LTBP2: variants seen among roughly 807,000 people sequenced by gnomAD.
LTBP2 encodes latent transforming growth factor beta binding protein 2.
LTBP2 carries 103 observed loss-of-function variants against 210.6 expected under a neutral mutation model. The observed-to-expected ratio is 0.49, with a 90% CI of 0.42 to 0.58. The LOEUF is 0.58. LTBP2 is among the 20% of genes least tolerant of loss of function. The pLI is 0.00. For synonymous variants in LTBP2, 1,007 were observed against 1,015.0 expected, an observed-to-expected ratio of 0.99 and a Z score of 0.15; for missense variants, 2,313 against 2,494.5, an observed-to-expected ratio of 0.93 and a Z score of 1.55.
chr14:74,568,125 C>T (rs1013305428), intron 3 of LTBP2, among the ~76,000 whole-genome samples: 1 of 152,148 alleles, frequency 6.6e-6, no homozygotes, highest in Non-Finnish European at 1.5e-5. Context: ...CAGAAGTTGC[C>T]CTACTTCCTT....
intron 21 of LTBP2, 75 bp downstream of exon 21, chr14:74,509,659 G>C: frequency 1.2e-6 from 2 of 1,604,982 alleles, no homozygotes; most frequent in South Asian, 2.2e-5. Context: ...CCAAACTGGG[G>C]ACAAATTGAG....
chr14:74,612,107 ACGAGGGCTGCGCGCCCCGAGCCT>A lies in LTBP2; in HGVS notation c.-186_-164del. On this transcript the variant is annotated 5_prime_UTR_variant, in exon 1 of 36. Coordinates refer to ENST00000261978, the MANE Select transcript of LTBP2 (RefSeq NM_000428.3). ...GACTGGGGGCCCGGCTCTCGGCGGA[ACGAGGGCTGCGCGCCCCGAGCCT>A]CGAGTCCGCGCTCCTACTCCAGCTG... The A allele has an allele frequency of 5.7e-6, 4 of 699,504 alleles. No homozygotes were observed. 43.3% of individuals were successfully genotyped at this position (699,504 alleles called of 1,614,324 possible).
At position 74,551,100 on chromosome 14, in the gene LTBP2, C is replaced by A. The variant is rs752108988; in HGVS notation, c.1650G>T (p.Leu550=). The change falls in exon 7 of 36, where the codon CTG becomes CTT. Residue 550 remains leucine, a synonymous_variant. Coordinates refer to ENST00000261978, the MANE Select transcript of LTBP2 (RefSeq NM_000428.3). ...LPPAAPRPRG[L]LGRCYLNTVN... ...CAGTGTTCAGGTAACACCGGCCCAGCAGTCCTCGAGGCCTGGGTGCTGCTG... is the reference window on the plus strand; with the variant it reads ...CAGTGTTCAGGTAACACCGGCCCAGAAGTCCTCGAGGCCTGGGTGCTGCTG... The A allele has an allele frequency of 9.9e-6, 16 of 1,613,820 alleles. 2 individuals are homozygous for A. In the South Asian group the frequency reaches 1.8e-4, roughly 18 times the overall value.
At position 74,502,689 on chromosome 14, in the gene LTBP2, A is replaced by G; in HGVS notation, c.5134T>C (p.Ser1712Pro). The G allele has an allele frequency of 6.2e-7, 1 of 1,614,118 alleles. No individual in the cohort carries two copies. The highest frequency in any genetic ancestry group is 8.5e-7 in the Non-Finnish European group (1 of 1,180,030). ...GCCACGTAGTGGGGCTGGAGTTCTGAGGGCTGCAAAGGAGACTCAAGGATG... is the reference window on the plus strand; with the variant it reads ...GCCACGTAGTGGGGCTGGAGTTCTGGGGGCTGCAAAGGAGACTCAAGGATG... The part of the protein sequence containing the change: ...TPILESPLQP[S>P]ELQPHYVASH... Residue 1712 changes from serine (S) to proline (P), a missense_variant, in exon 34 of 36, where the codon TCA becomes CCA. Ser to Pro is a moderately conservative substitution (Grantham distance 74, BLOSUM62 -1). Coordinates refer to ENST00000261978, the MANE Select transcript of LTBP2 (RefSeq NM_000428.3).
Position 74,528,602 on chromosome 14 carries a change from G to T in LTBP2, c.2249C>A (p.Ala750Glu). 1 of 1,613,592 alleles carries T rather than the reference G, an allele frequency of 6.2e-7. No individual in the cohort carries two copies. The highest frequency in any genetic ancestry group is 8.5e-7 in the Non-Finnish European group (1 of 1,180,052). ...SMRKAEEEEL[A>E]RPPREQGQRS... ...CTGCCCTTGCTCCCTTGGGGGCCTTGCCAGTTCCTCCTCCTCGGCTTTCCT... is the reference window on the plus strand; with the variant it reads ...CTGCCCTTGCTCCCTTGGGGGCCTTTCCAGTTCCTCCTCCTCGGCTTTCCT... The change falls in exon 12 of 36, where the codon GCA (alanine) becomes GAA (glutamate). Residue 750 changes from alanine (A) to glutamate (E), a missense_variant. Physicochemically the swap from Ala to Glu is moderately radical, Grantham distance 107. Coordinates refer to ENST00000261978, the MANE Select transcript of LTBP2 (RefSeq NM_000428.3).
At chr14:74,598,169 G>T (rs1378346153) in intron 2 of LTBP2, among the ~76,000 whole-genome samples, 1 of 152,216 alleles carries the variant, frequency 6.6e-6, no homozygotes, top group African/African-American at 2.4e-5. Context: ...GGGGCTCTTA[G>T]CCACCTTGCC....
rs2087653403 is a variant in LTBP2, at chr14:74,551,315, G to C, written c.1435C>G (p.His479Asp). Residue 479 changes from histidine to aspartate, a missense_variant, in exon 7 of 36, where the codon CAC becomes GAC. This residue lies in a region of LTBP2 where 1,867 missense variants were observed against 1,976.9 expected (regional missense o/e 0.94). Transcript: ENST00000261978. ...TGCACTGAGGCCTCGGGTGGGTGGT[G>C]AATGTGCACCTTCACCAGGGAGGGG... ...VNPSLVKVHI[H>D]HPPEASVQIH... 6.3e-7 allele frequency: 1 copy of C among 1,591,702 alleles called. No homozygotes were observed. The highest frequency in any genetic ancestry group is 8.6e-7 in the Non-Finnish European group (1 of 1,166,596).
chr14:74,604,704 T>C (rs2088500306), intron 1 of LTBP2, among the ~76,000 whole-genome samples: 1 of 152,046 alleles, frequency 6.6e-6, no homozygotes, highest in Non-Finnish European at 1.5e-5. Context: ...TTGGCCAGGG[T>C]GGTCTCAAAC....
Position 74,501,531 on chromosome 14 carries a change from C to T in LTBP2, c.5230G>A (p.Glu1744Lys), listed in dbSNP as rs779067555. Residue 1744 changes from glutamate to lysine, a missense_variant, in exon 35 of 36, where the codon GAG (glutamate) becomes AAG (lysine). Physicochemically the swap from Glu to Lys is moderately conservative, Grantham distance 56. Transcript: ENST00000261978. ...CGCACGCGCACACAGCGGCCATTCT[C>T]ACAGCCGTTCAGGATGCCGCACTCC... Reference protein sequence around the residue: ...AEECGILNGCENGRCVRVREG... With the variant: ...AEECGILNGCKNGRCVRVREG... 2 of 1,614,202 alleles carry T rather than the reference C, an allele frequency of 1.2e-6. No individual in the cohort carries two copies. The highest frequency in any genetic ancestry group is 1.7e-6 in the Non-Finnish European group (2 of 1,180,042).
At chr14:74,603,733 A>T (rs113639367) in intron 1 of LTBP2, 28 bp from the exon 2 acceptor site, 2 of 1,599,918 alleles carry the variant, frequency 1.3e-6, no homozygotes, top group Non-Finnish European at 1.7e-6. Context: ...CAGAGTCAAC[A>T]CAAGGATGCT....
chr14:74,521,702 G>T (rs2087204345), intron 17 of LTBP2, among the ~76,000 whole-genome samples: 2 of 152,224 alleles, frequency 1.3e-5, no homozygotes, highest in South Asian at 4.1e-4. Context: ...AGAGATTGCT[G>T]GTTTTTGGAT....
chr14:74,593,160 C>T (rs1464537644), intron 2 of LTBP2, among the ~76,000 whole-genome samples: 1 of 152,250 alleles, frequency 6.6e-6, no homozygotes, highest in Non-Finnish European at 1.5e-5. Context: ...CCAGAACAGT[C>T]AACAGAGGTT....
chr14:74,558,431 G>A (rs1299039044), intron 3 of LTBP2, among the ~76,000 whole-genome samples: 1 of 152,170 alleles, frequency 6.6e-6, no homozygotes, highest in Non-Finnish European at 1.5e-5. Context: ...AACTCCCTCC[G>A]AGGACTTCCA....
chr14:74,554,235 C>T (rs1191768458), intron 4 of LTBP2, among the ~76,000 whole-genome samples: 4 of 152,180 alleles, frequency 2.6e-5, no homozygotes, highest in Non-Finnish European at 5.9e-5. Context: ...CACAGGAACT[C>T]ACGCCTGCAG....
chr14:74,568,732 T>G (rs2087935566), intron 3 of LTBP2, among the ~76,000 whole-genome samples: 1 of 152,190 alleles, frequency 6.6e-6, no homozygotes, highest in South Asian at 2.1e-4. Flanking sequence ...TAAGGTCACA[T>G]AGTCAATGAC....
At chr14:74,575,256 T>C (rs1348995485) in intron 3 of LTBP2, among the ~76,000 whole-genome samples, 5 of 152,232 alleles carry the variant, frequency 3.3e-5, no homozygotes, top group Non-Finnish European at 7.3e-5. Context: ...CAGGTATTTG[T>C]GTGGGTTGGA....
chr14:74,548,964 T>C (rs1297245564), intron 8 of LTBP2, among the ~76,000 whole-genome samples: 2 of 152,238 alleles, frequency 1.3e-5, no homozygotes, highest in African/African-American at 4.8e-5. Context: ...TCTACACTTA[T>C]TTTTAGTTTG....
intron 8 of LTBP2, among the ~76,000 whole-genome samples, chr14:74,543,310 A>G (rs933005015): frequency 5.5e-5 from 8 of 146,670 alleles, no homozygotes; most frequent in Non-Finnish European, 1.0e-4. Context: ...CCCAGGAGGC[A>G]GAGCTTGCAG....
rs910774431 is a variant in LTBP2, at chr14:74,568,262, G to A, written c.831-12569C>T. 3.9e-5 allele frequency among the ~76,000 whole-genome samples: 6 copies of A among 152,280 alleles called. No homozygotes were observed. In the South Asian group the frequency reaches 6.2e-4, roughly 16 times the overall value. On this transcript the variant is annotated intron_variant, in intron 3 of 35. Transcript: ENST00000261978. Reference sequence around the variant, plus strand: ...CAGGTACACTATATACAGCAGCCCCGGGCCAGCCCCCTGCATGCGAGCATT... The same window carrying A: ...CAGGTACACTATATACAGCAGCCCCAGGCCAGCCCCCTGCATGCGAGCATT...
Sources: allele counts gnomAD v4.1 joint callset (sites outside exome capture counted in the v4.1 genomes callset), GRCh38; gene constraint gnomAD v4.1.1; regional missense constraint gnomAD v4.1.1; transcripts MANE v1.5; gene names NCBI Gene and HGNC (gene_info 2026-07-23, HGNC 2026-07-21).